The following NFRKB variants were observed in gnomAD, a reference collection of about 807,000 sequenced individuals.
The protein encoded by NFRKB is nuclear factor related to kappa-B-binding protein.
Under a neutral mutation model 135.7 loss-of-function variants are expected in NFRKB, and 62 were observed. The observed-to-expected ratio is 0.46, with a 90% CI of 0.37 to 0.56. The LOEUF is 0.56. NFRKB is among the 20% of genes least tolerant of loss of function. NFRKB has a pLI of 0.00. For missense variants in NFRKB, 1,545 were observed against 1,662.0 expected (o/e 0.93, Z 1.22); for synonymous variants, 678 against 635.6 (o/e 1.07, Z -1.00).
rs1325193251 is a variant in NFRKB at position 129,873,785 on chromosome 11, C to T, written c.2510G>A (p.Arg837Gln). ...GGTCTGTGTGGCAGTGGCTGGAACC[C>T]GGATCTGCGGTCCTGCTGGCATCTG... is the stretch of plus-strand genomic sequence containing the variant. ...LPQMPAGPQI[R>Q]VPATATQTKV... Residue 837 changes from arginine (R) to glutamine (Q), a missense_variant, in exon 22 of 27, where the codon CGG (arginine) becomes CAG (glutamine). Transcript: ENST00000682444. 7 of 1,614,018 alleles carry T rather than the reference C, an allele frequency of 4.3e-6. No individual in the cohort carries two copies. The highest frequency in any genetic ancestry group is 4.0e-5 in the African/African-American group (3 of 74,926).
At chr11:129,865,771 G>T in intron 25 of NFRKB, 106 bp downstream of exon 25, 1 of 873,630 alleles carries the variant, frequency 1.1e-6, no homozygotes, top group South Asian at 1.4e-5. Flanking sequence ...GTCAAAGAAG[G>T]GCCCCAGAAA....
At chr11:129,875,300 T>C (rs1273500098) in intron 18 of NFRKB, 57 bp downstream of exon 18, 5 of 1,350,420 alleles carry the variant, frequency 3.7e-6, no homozygotes, top group Non-Finnish European at 5.2e-6. Flanking sequence ...TATTTCCTGA[T>C]AAGTTTTCTT....
chr11:129,891,817 A>G (rs1278221200), intron 3 of NFRKB, among the ~76,000 whole-genome samples: 3 of 152,254 alleles, frequency 2.0e-5, no homozygotes, highest in Non-Finnish European at 4.4e-5. Flanking sequence ...GAAAAGAACC[A>G]AACAAATAAA....
intron 9 of NFRKB, 77 bp downstream of exon 9, chr11:129,883,045 A>AT: frequency 7.5e-7 from 1 of 1,337,024 alleles, no homozygotes; most frequent in Admixed American, 1.9e-5. Flanking sequence ...GGTTTCATTT[A>AT]TTTTTGCCAT....
At position 129,864,271 on chromosome 11, in the gene NFRKB, C is replaced by A. The variant is rs1434079468; in HGVS notation, c.*454G>T. On this transcript the variant is annotated 3_prime_UTR_variant, in exon 27 of 27. Coordinates refer to ENST00000682444, the MANE Select transcript of NFRKB (RefSeq NM_001143835.2). The stretch of plus-strand genomic sequence containing the variant: ...ATTTGAGAAAGATGTACAACAGGTT[C>A]TTTAAAAAAATAAATTACATAAAAT... The A allele has an allele frequency of 6.5e-6, 1 of 154,634 alleles. No homozygotes were observed. The highest frequency in any genetic ancestry group is 1.4e-5 in the Non-Finnish European group (1 of 69,752). The allele number at this position is 154,634 out of a possible 1,614,324, so 9.6% of individuals were successfully genotyped here. A position where few individuals can be genotyped will look rare whatever the true frequency, so the allele number is the denominator to read the frequency against.
intron 23 of NFRKB, 141 bp from the exon 24 acceptor site, chr11:129,870,402 A>T: frequency 1.1e-6 from 1 of 950,660 alleles, no homozygotes; most frequent in Non-Finnish European, 1.5e-6. Context: ...TCACAGAAGT[A>T]GAGAACAGTA....
intron 7 of NFRKB, 103 bp from the exon 8 acceptor site, chr11:129,884,246 C>G (rs1949165742): frequency 8.5e-7 from 1 of 1,181,208 alleles, no homozygotes; most frequent in Non-Finnish European, 1.3e-6. Context: ...CTTCTGACAC[C>G]TGTGAACTAC....
At chr11:129,881,052 G>A (rs1056727513) in intron 13 of NFRKB, among the ~76,000 whole-genome samples, 3 of 152,114 alleles carry the variant, frequency 2.0e-5, no homozygotes, top group South Asian at 4.1e-4. Flanking sequence ...CAACTTATTC[G>A]GGGCTGCTGC....
At position 129,874,056 on chromosome 11, in the gene NFRKB, G is replaced by A; in HGVS notation, c.2280-41C>T. Reference sequence around the variant, plus strand: ...GGGAAAGACAAAAAACAAAAACTTAGGACATGCATACAAAAGAACTCTAGA... The same window carrying A: ...GGGAAAGACAAAAAACAAAAACTTAAGACATGCATACAAAAGAACTCTAGA... On this transcript the variant is annotated intron_variant, in intron 21 of 26. Transcript: ENST00000682444. This position sits in a 1 kb window ranked among gnomAD's most constrained non-coding sequence, Gnocchi z 4.5. 1 of 1,600,392 alleles carries A rather than the reference G, an allele frequency of 6.2e-7. No individual in the cohort carries two copies. Among genetic ancestry groups the A allele is most frequent in the Non-Finnish European group, 8.5e-7 (1 of 1,169,972 alleles).
chr11:129,895,575 G>C lies in NFRKB; in HGVS notation c.-181C>G, dbSNP rs1025031437. The C allele has an allele frequency of 3.9e-5, 6 of 152,290 alleles. No individual in the cohort carries two copies. The highest frequency in any genetic ancestry group is 1.4e-4 in the African/African-American group (6 of 41,450). 9.4% of individuals were successfully genotyped at this position (152,290 alleles called of 1,614,324 possible). A position where few individuals can be genotyped will look rare whatever the true frequency, so the allele number is the denominator to read the frequency against. Reference sequence around the variant, plus strand: ...CCAGACGCACTCGCTCCCGCAAGGAGTCTGGGTGCGCGCACGCTCTGGGCC... The same window carrying C: ...CCAGACGCACTCGCTCCCGCAAGGACTCTGGGTGCGCGCACGCTCTGGGCC... On this transcript the variant is annotated 5_prime_UTR_variant, in exon 1 of 27. Transcript: ENST00000682444.
chr11:129,881,465 T>C lies in NFRKB; in HGVS notation c.1362A>G (p.Lys454=). ...TACCAAGCAACTTCCACTGCTGGGT[T>C]TTCTCTTTGAATTCAACAAATGGAG... is the stretch of plus-strand genomic sequence containing the variant. ...SFSPFVEFKE[K]TQQWKLLGQS... Residue 454 remains lysine, a synonymous_variant, in exon 13 of 27, where the codon AAA becomes AAG. Coordinates refer to ENST00000682444, the MANE Select transcript of NFRKB (RefSeq NM_001143835.2). 2 of 1,614,158 alleles carry C rather than the reference T, an allele frequency of 1.2e-6. No individual in the cohort carries two copies. The highest frequency in any genetic ancestry group is 1.7e-6 in the Non-Finnish European group (2 of 1,180,014).
In NFRKB at chr11:129,870,043, G is replaced by C. The variant is rs1948423892; in HGVS notation, c.2982C>G (p.Leu994=). ...QVTTVKLTQD[L]FGTGGNTTGK... Reference sequence around the variant, plus strand: ...CTGTAGTGTTGCCTCCTGTCCCGAAGAGGTCCTGGGTCAATTTGACTGTGG... The same window carrying C: ...CTGTAGTGTTGCCTCCTGTCCCGAACAGGTCCTGGGTCAATTTGACTGTGG... Residue 994 remains leucine (L), a synonymous_variant, in exon 24 of 27, where the codon CTC becomes CTG. Coordinates refer to ENST00000682444, the MANE Select transcript of NFRKB (RefSeq NM_001143835.2). 6.2e-7 allele frequency: 1 copy of C among 1,614,158 alleles called. No homozygotes were observed. Among genetic ancestry groups the C allele is most frequent in the Non-Finnish European group, 8.5e-7 (1 of 1,180,060 alleles).
At chr11:129,875,591 A>T in intron 17 of NFRKB, 128 bp from the exon 18 acceptor site, 16 of 533,058 alleles carry the variant, frequency 3.0e-5, no homozygotes, top group Middle Eastern at 5.4e-4. Flanking sequence ...CTGATGCCGG[A>T]TTAGGTGCAC....
intron 10 of NFRKB, 48 bp from the exon 11 acceptor site, chr11:129,882,242 C>A (rs1429415963): frequency 6.6e-7 from 1 of 1,514,328 alleles, no homozygotes; most frequent in South Asian, 1.2e-5. Flanking sequence ...AAGAACACAT[C>A]CCTAGATTGA....
At chr11:129,872,714 G>A (rs2135642985) in intron 23 of NFRKB, 170 bp downstream of exon 23, 2 of 609,206 alleles carry the variant, frequency 3.3e-6, no homozygotes, top group Non-Finnish European at 5.7e-6. Context: ...TATCAAAGCT[G>A]CACTGCCTTT....
rs377609572 is a variant in NFRKB, at chr11:129,884,200, T to G, written c.743-57A>C. The G allele has an allele frequency of 1.9e-3, 2,796 of 1,473,438 alleles. 49 individuals carry two copies. The African/African-American group carries it at 0.059, about 31-fold the overall frequency. 91.3% of individuals were successfully genotyped at this position (1,473,438 alleles called of 1,614,324 possible). A position where few individuals can be genotyped will look rare whatever the true frequency, so the allele number is the denominator to read the frequency against. On this transcript the variant is annotated intron_variant, in intron 7 of 26. Transcript: ENST00000682444. ...CATGATTCTCCAATTTACATCTTTC[T>G]GGTCACTTTCAAAAGTAAGATATTT...
chr11:129,871,675 G>A (rs934242891), intron 23 of NFRKB, among the ~76,000 whole-genome samples: 4 of 152,056 alleles, frequency 2.6e-5, no homozygotes, highest in East Asian at 3.9e-4. Flanking sequence ...TCTGATGAAC[G>A]GTCACTCCCA....
In NFRKB at chr11:129,870,217, G is replaced by A; in HGVS notation, c.2808C>T (p.Asn936=). 6.2e-7 allele frequency: 1 copy of A among 1,614,188 alleles called. No homozygotes were observed. Among genetic ancestry groups the A allele is most frequent in the South Asian group, 1.1e-5 (1 of 91,080 alleles). Residue 936 remains asparagine, a synonymous_variant, in exon 24 of 27, where the codon AAC becomes AAT. Transcript: ENST00000682444. ...GQLGVKPQTG[N]SIPLTATNFR... is the part of the protein sequence containing the mutation. ...AGTTAGTGGCTGTGAGTGGAATGCT[G>A]TTGCCTGTTTGGGGCTTCACACCAA...
chr11:129,893,413 A>G, intron 2 of NFRKB: 1 of 362,226 alleles, frequency 2.8e-6, no homozygotes, highest in East Asian at 7.4e-5. Flanking sequence ...AAAAAAAATC[A>G]GCCAGGCGTG....
Sources: allele counts gnomAD v4.1 joint callset (sites outside exome capture counted in the v4.1 genomes callset), GRCh38; gene constraint gnomAD v4.1.1; non-coding constraint Gnocchi (gnomAD v3.1); transcripts MANE v1.5; gene names NCBI Gene and HGNC (gene_info 2026-07-23, HGNC 2026-07-21).